The following EPM2A variants were observed in gnomAD, a reference collection of about 807,000 sequenced individuals.
EPM2A encodes EPM2A glucan phosphatase, laforin, also known as laforin.
In EPM2A, 21 loss-of-function variants were observed where a neutral mutation model predicts 26.5. The observed-to-expected ratio is 0.79, with a 90% CI of 0.56 to 1.14. EPM2A has a LOEUF of 1.14. Among genes scored for constraint, EPM2A ranks in the 50% most tolerant of loss-of-function variants. The pLI, the probability that EPM2A is intolerant of heterozygous loss-of-function variation, is 0.00. For missense variants in EPM2A, 458 were observed against 440.8 expected (o/e 1.04, Z -0.35); for synonymous variants, 217 against 177.6 (o/e 1.22, Z -1.76).
At chr6:145,431,366 T>C (rs186407658) in intron 4 of EPM2A, among the ~76,000 whole-genome samples, 217 of 152,140 alleles carry the variant, frequency 1.4e-3, no homozygotes, top group African/African-American at 5.1e-3. Context: ...AAACTGAATA[T>C]AGGAAATAAA....
Position 145,625,597 on chromosome 6 carries a change from G to T in EPM2A, c.*1819C>A. On this transcript the variant is annotated 3_prime_UTR_variant, in exon 4 of 4. Coordinates refer to ENST00000367519, the MANE Select transcript of EPM2A (RefSeq NM_005670.4). Reference sequence around the variant, plus strand: ...TTCACAACACATTATGACTGTAAATGAGTTACCTGAATACCAATTATTACC... The same window carrying T: ...TTCACAACACATTATGACTGTAAATTAGTTACCTGAATACCAATTATTACC... 1.4e-6 allele frequency: 1 copy of T among 712,902 alleles called. No homozygotes were observed. Among genetic ancestry groups the T allele is most frequent in the East Asian group, 2.7e-5 (1 of 37,178 alleles). 44.2% of individuals were successfully genotyped at this position (712,902 alleles called of 1,614,324 possible).
At chr6:145,533,756 T>A (rs1421202132) in intron 2 of EPM2A, among the ~76,000 whole-genome samples, 2 of 152,102 alleles carry the variant, frequency 1.3e-5, no homozygotes, top group Non-Finnish European at 2.9e-5. Flanking sequence ...CCTCCACCTC[T>A]CCCCCACCAA....
intron 2 of EPM2A, among the ~76,000 whole-genome samples, chr6:145,644,134 T>A (rs1392995317): frequency 6.6e-6 from 1 of 152,232 alleles, no homozygotes; most frequent in Non-Finnish European, 1.5e-5. Flanking sequence ...TTCATAATGT[T>A]CAGCTATACT....
chr6:145,490,398 T>C (rs1360036604), intron 4 of EPM2A: 5 of 845,920 alleles, frequency 5.9e-6, no homozygotes, highest in South Asian at 4.1e-5. Context: ...TGAGGTGACA[T>C]TTGAGGGTGC....
Position 145,465,816 on chromosome 6 carries a change from G to C in EPM2A, c.555+36706C>G, listed in dbSNP as rs2876627. Among the ~76,000 whole-genome samples the C allele has an allele frequency of 4.4e-3, 674 of 151,940 alleles. 8 individuals are homozygous for C. Among genetic ancestry groups the C allele is most frequent in the African/African-American group, 0.015 (620 of 41,378 alleles). ...TATAGATCAATGGAACAGAACAGAG[G>C]CCTCAGAAATAACGCCGCATATCTA... is the stretch of plus-strand genomic sequence containing the variant. On this transcript the variant is annotated intron_variant, in intron 4 of 4. Coordinates refer to the EPM2A transcript ENST00000638717.
intron 4 of EPM2A, among the ~76,000 whole-genome samples, chr6:145,448,776 A>C (rs1779156234): frequency 6.6e-6 from 1 of 152,184 alleles, no homozygotes; most frequent in Non-Finnish European, 1.5e-5. Context: ...TGATACATAG[A>C]CTAAACATTT....
chr6:145,697,124 G>T (rs1341304455), intron 1 of EPM2A, among the ~76,000 whole-genome samples: 1 of 152,060 alleles, frequency 6.6e-6, no homozygotes, highest in South Asian at 2.1e-4. Context: ...TTTCACGTAG[G>T]TTCTTTTCTA....
chr6:145,545,220 A>C (rs1395436482), intron 2 of EPM2A, among the ~76,000 whole-genome samples: 4 of 152,178 alleles, frequency 2.6e-5, no homozygotes, highest in African/African-American at 7.2e-5. Flanking sequence ...GGCTTACAAC[A>C]ACCACCATTT....
chr6:145,502,240 G>A (rs1562360332), intron 3 of EPM2A, among the ~76,000 whole-genome samples: 1 of 152,188 alleles, frequency 6.6e-6, no homozygotes, highest in Non-Finnish European at 1.5e-5. Flanking sequence ...TGACATCTGG[G>A]CATCTTCTTG....
chr6:145,721,382 A>T (rs1301887565), intron 1 of EPM2A: 1 of 152,196 alleles, frequency 6.6e-6, no homozygotes, highest in Admixed American at 6.5e-5. Context: ...AGAGCAAAAA[A>T]CTTAGAAGAT....
rs114498439 is a variant in EPM2A at position 145,471,649 on chromosome 6, G to A, written c.555+30873C>T. 2.5e-3 allele frequency among the ~76,000 whole-genome samples: 384 copies of A among 152,246 alleles called. 1 individual carries two copies. The highest frequency in any genetic ancestry group is 8.9e-3 in the African/African-American group (370 of 41,556). On this transcript the variant is annotated intron_variant, in intron 4 of 4. Transcript: ENST00000638717. Reference sequence around the variant, plus strand: ...CACAGCAATTCTGAGGCACTGAACTGGACAAGAAAACCAGACAAAGTGAGC... The same window carrying A: ...CACAGCAATTCTGAGGCACTGAACTAGACAAGAAAACCAGACAAAGTGAGC...
At chr6:145,682,845 T>C (rs1480110326) in intron 2 of EPM2A, among the ~76,000 whole-genome samples, 1 of 152,198 alleles carries the variant, frequency 6.6e-6, no homozygotes, top group African/African-American at 2.4e-5. Flanking sequence ...TCCATTCCTA[T>C]ATTCAAACTA....
In EPM2A at chr6:145,480,950, G is replaced by A. The variant is rs77727264; in HGVS notation, c.555+21572C>T. Among the ~76,000 whole-genome samples the A allele has an allele frequency of 3.2e-3, 486 of 152,190 alleles. 6 individuals carry two copies. The highest frequency in any genetic ancestry group is 0.011 in the African/African-American group (469 of 41,534). On this transcript the variant is annotated intron_variant, in intron 4 of 4. Coordinates refer to the EPM2A transcript ENST00000638717. ...GGATATTTTTATGTGGAAAACCTAT[G>A]AGTCTAAACTGGAGTTGCATGGGCC...
intron 2 of EPM2A, chr6:145,670,980 C>A: frequency 1.0e-6 from 1 of 984,446 alleles, no homozygotes; most frequent in Non-Finnish European, 1.2e-6. Context: ...CAATTGTAAT[C>A]TTGGTCTTAA....
At chr6:145,596,956 G>A (rs978232472) in intron 2 of EPM2A, among the ~76,000 whole-genome samples, 1 of 84,786 alleles carries the variant, frequency 1.2e-5, no homozygotes, top group East Asian at 3.2e-4. Context: ...CTGCAGTGGC[G>A]CAATCTCGGC....
At chr6:145,442,775 G>A (rs1012602691) in intron 4 of EPM2A, among the ~76,000 whole-genome samples, 1 of 152,052 alleles carries the variant, frequency 6.6e-6, no homozygotes, top group Admixed American at 6.6e-5. Context: ...ATTGGTCTAT[G>A]TATCTGTTTT....
chr6:145,597,846 T>A (rs1390327106), intron 2 of EPM2A, among the ~76,000 whole-genome samples: 2 of 152,212 alleles, frequency 1.3e-5, no homozygotes, highest in Non-Finnish European at 2.9e-5. Context: ...TTTCCTGCAT[T>A]AGTTTGTTAA....
intron 2 of EPM2A, among the ~76,000 whole-genome samples, chr6:145,553,346 G>C (rs577788813): frequency 1.3e-5 from 2 of 152,238 alleles, no homozygotes; most frequent in African/African-American, 4.8e-5. Context: ...TCTGTTTCAA[G>C]AAATTCATTC....
intron 1 of EPM2A, chr6:145,705,963 G>A (rs556371644): frequency 2.2e-6 from 1 of 456,438 alleles, no homozygotes; most frequent in Non-Finnish European, 4.4e-6. Context: ...CTGTATATGT[G>A]ATGGGAATTC....
Sources: gnomAD v4.1 joint callset for allele counts (sites outside exome capture counted in the v4.1 genomes callset) on GRCh38, gnomAD v4.1.1 for gene constraint, MANE v1.5 for transcripts, NCBI Gene and HGNC (gene_info 2026-07-23, HGNC 2026-07-21) for gene names.